Variants in KIF16B observed in about 807,000 individuals in gnomAD.
KIF16B encodes kinesin-like protein KIF16B.
KIF16B carries 98 observed loss-of-function variants against 156.3 expected under a neutral mutation model. The observed-to-expected ratio is 0.63, with a 90% CI of 0.53 to 0.74. The LOEUF (loss-of-function observed/expected upper bound fraction) is 0.74. Among genes scored for constraint, KIF16B ranks in the 30% least tolerant of loss-of-function variants. KIF16B has a pLI of 0.00. For missense variants in KIF16B, 1,421 were observed against 1,606.5 expected, an observed-to-expected ratio of 0.88 and a Z score of 1.97; for synonymous variants, 564 against 583.7, an observed-to-expected ratio of 0.97 and a Z score of 0.49.
At chr20:16,401,189 G>A (rs1352398247) in intron 17 of KIF16B, among the ~76,000 whole-genome samples, 1 of 152,200 alleles carries the variant, frequency 6.6e-6, no homozygotes, top group Non-Finnish European at 1.5e-5. Context: ...AGGTCAACAG[G>A]CTGCATAATG....
At chr20:16,370,444 T>G (rs952976635) in intron 22 of KIF16B, 142 bp downstream of exon 22, 2 of 586,062 alleles carry the variant, frequency 3.4e-6, no homozygotes, top group Admixed American at 4.1e-5. Context: ...TAAGTCCATA[T>G]AATAGCTTGC....
intron 15 of KIF16B, among the ~76,000 whole-genome samples, chr20:16,410,141 A>ATGTAGGTACATATATATG (rs2065908195): frequency 1.1e-4 from 15 of 140,192 alleles, no homozygotes; most frequent in Non-Finnish European, 2.0e-4. Context: ...ACATATATAT[A>ATGTAGGTACATATATATG]TGTAGGTACA....
chr20:16,402,122 C>T (rs1016208378), intron 17 of KIF16B, among the ~76,000 whole-genome samples: 2 of 152,050 alleles, frequency 1.3e-5, no homozygotes, highest in Non-Finnish European at 2.9e-5. Flanking sequence ...ATTTTGATGC[C>T]ATCACACTTG....
rs534054345 is a variant in KIF16B at position 16,496,323 on chromosome 20, G to A, written c.1242+1290C>T. 1.6e-4 allele frequency among the ~76,000 whole-genome samples: 24 copies of A among 152,316 alleles called. 1 individual carries two copies. The East Asian group carries it at 4.1e-3, about 26-fold the overall frequency. On this transcript the variant is annotated intron_variant, in intron 11 of 25. Coordinates refer to ENST00000354981, the MANE Select transcript of KIF16B (RefSeq NM_024704.5). ...TTTCACCAACAGATAGTTTCTCATC[G>A]AAGAAATGTGAGCAAATCAATCCTG...
At chr20:16,356,167 C>G (rs2064437225) in intron 23 of KIF16B, among the ~76,000 whole-genome samples, 163 bp downstream of exon 23, 2 of 152,202 alleles carry the variant, frequency 1.3e-5, no homozygotes. Flanking sequence ...CCATGTGTTA[C>G]AGTCAAGAGT....
At chr20:16,313,521 C>G (rs1308781421) in intron 24 of KIF16B, among the ~76,000 whole-genome samples, 2 of 152,192 alleles carry the variant, frequency 1.3e-5, no homozygotes. Flanking sequence ...GTGTAACCAG[C>G]ACTCGCATCA....
At chr20:16,446,761 C>G (rs933959076) in intron 12 of KIF16B, among the ~76,000 whole-genome samples, 3 of 152,130 alleles carry the variant, frequency 2.0e-5, no homozygotes, top group African/African-American at 7.2e-5. Flanking sequence ...CTATTTAAAT[C>G]CTAGGTATTG....
chr20:16,379,425 CTCCT>C lies in KIF16B; in HGVS notation c.2573_2576del (p.Gln858ArgfsTer3). On this transcript the variant is annotated frameshift_variant, in exon 19 of 26. Transcript: ENST00000354981. LOFTEE classifies it high-confidence loss of function. ...GTTCACATTTTAAACACTCTAGGAT[CTCCT>C]GTTCTTCTTGGACTTCTTTTTTCAG... is the stretch of plus-strand genomic sequence containing the variant. The C allele has an allele frequency of 6.2e-7, 1 of 1,613,098 alleles. No homozygotes were observed.
chr20:16,396,822 T>TA (rs1361946408), intron 17 of KIF16B, among the ~76,000 whole-genome samples: 1 of 152,164 alleles, frequency 6.6e-6, no homozygotes, highest in Non-Finnish European at 1.5e-5. Flanking sequence ...GCCCTGATGC[T>TA]AACCAAACCC....
rs1286258529 is a variant in KIF16B at position 16,335,913 on chromosome 20, T to C, written c.3711+13A>G. 4 of 1,509,170 alleles carry C rather than the reference T, an allele frequency of 2.7e-6. No individual in the cohort carries two copies. Among genetic ancestry groups the C allele is most frequent in the Non-Finnish European group, 3.7e-6 (4 of 1,091,864 alleles). 93.5% of individuals were successfully genotyped at this position (1,509,170 alleles called of 1,614,324 possible). On this transcript the variant is annotated intron_variant, in intron 24 of 25. Coordinates refer to ENST00000354981, the MANE Select transcript of KIF16B (RefSeq NM_024704.5). ...GAATGCTCTTAATCGGAGATAATAA[T>C]TTCATAACTTACCTCTGCATACTTT...
At position 16,339,090 on chromosome 20, in the gene KIF16B, A is replaced by T. The variant is rs774317816; in HGVS notation, c.3622-3075T>A. Among the ~76,000 whole-genome samples the T allele has an allele frequency of 1.1e-4, 16 of 152,328 alleles. No individual in the cohort carries two copies. In the Middle Eastern group the frequency reaches 0.014, roughly 130 times the overall value. On this transcript the variant is annotated intron_variant, in intron 23 of 25. Transcript: ENST00000354981. Reference sequence around the variant, plus strand: ...TGCGTTTAAATGCTCATGGAGTAATATGACAGAAAGGAGGCTGTGTTGGTG... The same window carrying T: ...TGCGTTTAAATGCTCATGGAGTAATTTGACAGAAAGGAGGCTGTGTTGGTG...
At chr20:16,421,677 T>A (rs1046660923) in intron 15 of KIF16B, among the ~76,000 whole-genome samples, 1 of 152,184 alleles carries the variant, frequency 6.6e-6, no homozygotes, top group South Asian at 2.1e-4. Flanking sequence ...CCTTGCTTTT[T>A]TGTACAATGC....
chr20:16,554,760 C>T (rs532271888), intron 1 of KIF16B, among the ~76,000 whole-genome samples: 6 of 152,350 alleles, frequency 3.9e-5, no homozygotes, highest in East Asian at 3.9e-4. Flanking sequence ...CTCTTTGGGG[C>T]TCTGTGGTTT....
At chr20:16,293,529 A>C (rs1222017772) in intron 25 of KIF16B, among the ~76,000 whole-genome samples, 2 of 152,162 alleles carry the variant, frequency 1.3e-5, no homozygotes, top group Non-Finnish European at 2.9e-5. Context: ...CTTTCTCAGG[A>C]AGCTACTAGA....
intron 22 of KIF16B, among the ~76,000 whole-genome samples, chr20:16,359,387 C>G (rs1238466493): frequency 6.6e-6 from 1 of 152,176 alleles, no homozygotes; most frequent in Non-Finnish European, 1.5e-5. Flanking sequence ...TGTGAGATAC[C>G]TGCTTCCCCT....
At chr20:16,465,281 G>A (rs539632241) in intron 12 of KIF16B, among the ~76,000 whole-genome samples, 1 of 152,268 alleles carries the variant, frequency 6.6e-6, no homozygotes, top group South Asian at 2.1e-4. Flanking sequence ...GGCTGCACTG[G>A]TATTTAATCA....
chr20:16,292,516 A>C (rs2063328284), intron 25 of KIF16B, among the ~76,000 whole-genome samples: 1 of 152,236 alleles, frequency 6.6e-6, no homozygotes, highest in South Asian at 2.1e-4. Context: ...CACAGTGAGC[A>C]CCTTTTATCT....
At chr20:16,494,091 A>G (rs1333283531) in intron 12 of KIF16B, among the ~76,000 whole-genome samples, 200 bp downstream of exon 12, 1 of 152,188 alleles carries the variant, frequency 6.6e-6, no homozygotes, top group African/African-American at 2.4e-5. Context: ...TAAAACACAC[A>G]GCTATAATAT....
At chr20:16,452,590 C>T (rs1054941998) in intron 12 of KIF16B, among the ~76,000 whole-genome samples, 1 of 152,092 alleles carries the variant, frequency 6.6e-6, no homozygotes, top group Non-Finnish European at 1.5e-5. Context: ...AATCCCAGCA[C>T]TTTAGGACGC....
Sources: gnomAD v4.1 joint callset for allele counts (sites outside exome capture counted in the v4.1 genomes callset) on GRCh38, gnomAD v4.1.1 for gene constraint, MANE v1.5 for transcripts, NCBI Gene and HGNC (gene_info 2026-07-23, HGNC 2026-07-21) for gene names.